PLBD1: variants seen among roughly 807,000 people sequenced by gnomAD.
The protein encoded by PLBD1 is lysosomal leucine aminopeptidase.
In PLBD1, 60 loss-of-function variants were observed where a neutral mutation model predicts 63.0. The ratio of observed to expected loss-of-function variants is 0.95; its 90% CI spans 0.77 to 1.18. PLBD1 has a LOEUF of 1.18. Ranked by LOEUF, PLBD1 falls within the 50% of genes most tolerant of loss-of-function variation. The pLI is 0.00. For synonymous variants in PLBD1, 262 were observed against 248.0 expected (o/e 1.06, Z -0.53); for missense variants, 598 against 677.9 (o/e 0.88, Z 1.31).
chr12:14,546,076 G>A (rs1945614159), intron 2 of PLBD1, among the ~76,000 whole-genome samples: 1 of 152,068 alleles, frequency 6.6e-6, no homozygotes, highest in African/African-American at 2.4e-5. Flanking sequence ...AATTCCAGCA[G>A]TTTGGGAAGC....
chr12:14,559,413 G>A (rs1268432176), intron 1 of PLBD1, among the ~76,000 whole-genome samples: 1 of 151,974 alleles, frequency 6.6e-6, no homozygotes, highest in Admixed American at 6.6e-5. Flanking sequence ...ACTACAGAGT[G>A]GAATTCCTGG....
intron 6 of PLBD1, among the ~76,000 whole-genome samples, chr12:14,518,510 A>T (rs931096850): frequency 1.3e-5 from 2 of 152,164 alleles, no homozygotes; most frequent in African/African-American, 4.8e-5. Flanking sequence ...AATCTAGGGT[A>T]TGAAAGGGAG....
chr12:14,506,420 C>T, intron 9 of PLBD1, 152 bp from the exon 10 acceptor site: 2 of 599,548 alleles, frequency 3.3e-6, no homozygotes, highest in South Asian at 4.5e-5. Flanking sequence ...ATAGAGACAT[C>T]TCCCTTGGCT....
intron 1 of PLBD1, among the ~76,000 whole-genome samples, chr12:14,556,217 C>A (rs1263284183): frequency 6.6e-6 from 1 of 152,108 alleles, no homozygotes; most frequent in Non-Finnish European, 1.5e-5. Flanking sequence ...GTATCATTTA[C>A]CAAGAAAGGA....
intron 4 of PLBD1, among the ~76,000 whole-genome samples, chr12:14,539,436 A>G (rs1288170582): frequency 6.6e-6 from 1 of 151,664 alleles, no homozygotes; most frequent in Non-Finnish European, 1.5e-5. Flanking sequence ...TCATCTATAT[A>G]TATTTTTAAG....
At chr12:14,566,926 C>G (rs959167510) in intron 1 of PLBD1, among the ~76,000 whole-genome samples, 1 of 152,106 alleles carries the variant, frequency 6.6e-6, no homozygotes, top group African/African-American at 2.4e-5. Context: ...GAAACCTCGT[C>G]TCTACTAATA....
chr12:14,507,184 G>A, intron 8 of PLBD1, 66 bp from the exon 9 acceptor site: 4 of 1,211,340 alleles, frequency 3.3e-6, no homozygotes, highest in South Asian at 2.9e-5. Context: ...AGGAGAGAGA[G>A]CAAAAGAAAT....
chr12:14,557,711 G>C (rs1396048445), intron 1 of PLBD1, among the ~76,000 whole-genome samples: 1 of 152,042 alleles, frequency 6.6e-6, no homozygotes, highest in East Asian at 1.9e-4. Context: ...GAGAGAATCA[G>C]GAAAAATAAC....
chr12:14,537,972 T>C (rs1389786916), intron 4 of PLBD1, among the ~76,000 whole-genome samples: 2 of 152,134 alleles, frequency 1.3e-5, no homozygotes, highest in African/African-American at 4.8e-5. Flanking sequence ...GCCAGAGTTT[T>C]TTGATTTTTT....
At chr12:14,513,732 C>A (rs1945316733) in intron 6 of PLBD1, among the ~76,000 whole-genome samples, 1 of 151,228 alleles carries the variant, frequency 6.6e-6, no homozygotes, top group Admixed American at 6.6e-5. Context: ...CTTGAAATTT[C>A]TTGAGTAGGA....
At chr12:14,525,299 A>G (rs1464396884) in intron 6 of PLBD1, among the ~76,000 whole-genome samples, 7 of 152,060 alleles carry the variant, frequency 4.6e-5, no homozygotes, top group African/African-American at 1.7e-4. Context: ...TAAACAAAAA[A>G]TAAAACAAAG....
At chr12:14,532,995 T>A (rs1945478193) in intron 6 of PLBD1, 2 of 152,310 alleles carry the variant, frequency 1.3e-5, no homozygotes, top group South Asian at 4.1e-4. Context: ...ACTTTTGACC[T>A]TCCCTGGGTA....
chr12:14,528,625 T>A (rs764368983), intron 6 of PLBD1, among the ~76,000 whole-genome samples: 1 of 152,150 alleles, frequency 6.6e-6, no homozygotes, highest in Non-Finnish European at 1.5e-5. Flanking sequence ...TATTTGCTTA[T>A]GATAGAAAGA....
At chr12:14,551,358 C>T (rs1171045520) in intron 2 of PLBD1, among the ~76,000 whole-genome samples, 1 of 152,142 alleles carries the variant, frequency 6.6e-6, no homozygotes, top group Admixed American at 6.5e-5. Context: ...GAGACTCTAA[C>T]TCAAAACAAA....
rs1301138225 is a variant in PLBD1, at chr12:14,503,698, T to C, written c.*74A>G. The stretch of plus-strand genomic sequence containing the variant: ...ATTAATATATTTTATTGCATAATTC[T>C]GATGGGAAAAACATAGCTAAAATAG... On this transcript the variant is annotated 3_prime_UTR_variant, in exon 11 of 11. Transcript: ENST00000240617. 16 of 1,370,858 alleles carry C rather than the reference T, an allele frequency of 1.2e-5. No homozygotes were observed. Among genetic ancestry groups the C allele is most frequent in the Non-Finnish European group, 1.6e-5 (16 of 991,956 alleles). The allele number at this position is 1,370,858 out of a possible 1,614,324, so 84.9% of individuals were successfully genotyped here. A position where few individuals can be genotyped will look rare whatever the true frequency, so the allele number is the denominator to read the frequency against.
chr12:14,543,801 G>A (rs1017315631), intron 2 of PLBD1, among the ~76,000 whole-genome samples: 2 of 151,844 alleles, frequency 1.3e-5, no homozygotes, highest in Non-Finnish European at 2.9e-5. Flanking sequence ...TTGTATTAAC[G>A]ATTGTTCCTT....
intron 6 of PLBD1, among the ~76,000 whole-genome samples, chr12:14,523,540 A>C (rs1945393496): frequency 6.6e-6 from 1 of 152,234 alleles, no homozygotes; most frequent in Non-Finnish European, 1.5e-5. Context: ...GAGCAAAAAG[A>C]ACAAAGCTGG....
chr12:14,562,325 T>G (rs954324407), intron 1 of PLBD1, among the ~76,000 whole-genome samples: 4 of 152,006 alleles, frequency 2.6e-5, no homozygotes, highest in African/African-American at 9.7e-5. Flanking sequence ...CCAGGTGCGG[T>G]GGCACATGCT....
chr12:14,510,440 G>C (rs752448876), intron 8 of PLBD1, among the ~76,000 whole-genome samples: 4 of 152,130 alleles, frequency 2.6e-5, no homozygotes, highest in Non-Finnish European at 4.4e-5. Flanking sequence ...GTTTCTTTCT[G>C]GTAGTTTTTG....
Sources: gnomAD v4.1 joint callset for allele counts (sites outside exome capture counted in the v4.1 genomes callset) on GRCh38, gnomAD v4.1.1 for gene constraint, MANE v1.5 for transcripts, NCBI Gene and HGNC (gene_info 2026-07-23, HGNC 2026-07-21) for gene names.